Variants in NTM observed in about 807,000 individuals in gnomAD.
NTM encodes neurotrimin.
A neutral mutation model predicts 42.1 loss-of-function variants in NTM; 13 were observed. The ratio of observed to expected loss-of-function variants is 0.31; its 90% CI spans 0.20 to 0.49. The LOEUF (loss-of-function observed/expected upper bound fraction) is 0.49. NTM is among the 20% of genes least tolerant of loss of function. NTM has a pLI of 0.99. For missense variants in NTM, 373 were observed against 452.8 expected (o/e 0.82, Z 1.60); for synonymous variants, 187 against 179.2 (o/e 1.04, Z -0.35).
intron 2 of NTM, among the ~76,000 whole-genome samples, chr11:132,045,746 C>T (rs1232246754): frequency 6.6e-6 from 1 of 152,128 alleles, no homozygotes; most frequent in Non-Finnish European, 1.5e-5. Flanking sequence ...CTGGACTCTT[C>T]CTTTTTCCCA....
At chr11:132,201,875 G>GTA (rs2081212541) in intron 3 of NTM, among the ~76,000 whole-genome samples, 1 of 152,148 alleles carries the variant, frequency 6.6e-6, no homozygotes, top group South Asian at 2.1e-4. Flanking sequence ...TAGCTCAGTG[G>GTA]CTTCGAGCAC....
chr11:131,789,615 AGAAGAAGAAGAAG>A (rs2090416651), intron 1 of NTM, among the ~76,000 whole-genome samples: 1 of 87,524 alleles, frequency 1.1e-5, no homozygotes, highest in Non-Finnish European at 2.3e-5. Flanking sequence ...AAGAAGAAGA[AGAAGAAGAAGAAG>A]AAGAAGAAAA....
chr11:132,227,804 C>T, intron 4 of NTM, among the ~76,000 whole-genome samples: 1 of 152,094 alleles, frequency 6.6e-6, no homozygotes, highest in East Asian at 1.9e-4. Context: ...CTATCTGCTG[C>T]CAGCCCTAAT....
chr11:132,246,293 C>T (rs1210909522), intron 4 of NTM, among the ~76,000 whole-genome samples: 28 of 152,238 alleles, frequency 1.8e-4, no homozygotes, highest in Non-Finnish European at 8.8e-5. Flanking sequence ...GCGTGTGTGT[C>T]TCCACCGACA....
At chr11:131,797,613 A>G (rs1215223732) in intron 1 of NTM, among the ~76,000 whole-genome samples, 4 of 152,242 alleles carry the variant, frequency 2.6e-5, no homozygotes, top group African/African-American at 9.6e-5. Context: ...TTGAAAAGTA[A>G]TCACACAAAG....
chr11:131,984,611 C>G (rs1235532865), intron 2 of NTM: 2 of 152,168 alleles, frequency 1.3e-5, no homozygotes, highest in Non-Finnish European at 2.9e-5. Flanking sequence ...AATTATCTAG[C>G]CCATTTGCTG....
intron 2 of NTM, among the ~76,000 whole-genome samples, chr11:131,943,368 C>G (rs139353596): frequency 6.6e-6 from 1 of 152,224 alleles, no homozygotes; most frequent in Non-Finnish European, 1.5e-5. Flanking sequence ...AGGTCAGTCC[C>G]AGAGCCGGCT....
chr11:131,987,726 T>C (rs117367036), intron 2 of NTM, among the ~76,000 whole-genome samples: 2,602 of 152,292 alleles, frequency 0.017, 32 homozygotes, highest in Non-Finnish European at 0.029. Flanking sequence ...TATCAAATAA[T>C]CCAAATGCTC....
At chr11:132,324,671 C>CTT (rs1555099801) in intron 7 of NTM, among the ~76,000 whole-genome samples, 6,437 of 104,296 alleles carry the variant, frequency 0.062, 386 homozygotes, top group Non-Finnish European at 0.083. Context: ...GGAAAAAAAA[C>CTT]TAAAGTTCAT....
intron 2 of NTM, among the ~76,000 whole-genome samples, chr11:132,007,626 A>G (rs1177768778): frequency 6.6e-6 from 1 of 152,234 alleles, no homozygotes; most frequent in Non-Finnish European, 1.5e-5. Context: ...GCATCAGAGA[A>G]GCTTACTATT....
intron 4 of NTM, among the ~76,000 whole-genome samples, chr11:132,224,121 A>T (rs2085703224): frequency 6.6e-6 from 1 of 152,206 alleles, no homozygotes; most frequent in African/African-American, 2.4e-5. Context: ...GTGAAAGAGA[A>T]AAGGTCTCCA....
chr11:131,806,492 A>G (rs1361514064), intron 1 of NTM, among the ~76,000 whole-genome samples: 1 of 152,172 alleles, frequency 6.6e-6, no homozygotes, highest in Non-Finnish European at 1.5e-5. Context: ...GTGCTCAACA[A>G]CTATTTATTA....
intron 1 of NTM, among the ~76,000 whole-genome samples, chr11:131,412,806 G>A (rs1051425658): frequency 3.0e-5 from 1 of 33,306 alleles, no homozygotes; most frequent in Non-Finnish European, 9.9e-5. Context: ...CTTACGGGGC[G>A]TGTGTGTGTG....
chr11:131,763,121 T>C (rs1408414986), intron 1 of NTM, among the ~76,000 whole-genome samples: 1 of 152,142 alleles, frequency 6.6e-6, no homozygotes, highest in Non-Finnish European at 1.5e-5. Flanking sequence ...TAGGGGATGG[T>C]GCCCCCACAC....
chr11:131,670,441 A>C (rs758378503), intron 1 of NTM, among the ~76,000 whole-genome samples: 9 of 150,808 alleles, frequency 6.0e-5, no homozygotes, highest in Non-Finnish European at 1.0e-4. Flanking sequence ...TTGCTAAGGA[A>C]TACATGTCTG....
chr11:131,696,742 C>G (rs1405046801), intron 1 of NTM, among the ~76,000 whole-genome samples: 1 of 151,976 alleles, frequency 6.6e-6, no homozygotes, highest in Admixed American at 6.6e-5. Context: ...TTGGTTTTAT[C>G]TCTTGTTTCA....
In NTM at chr11:131,498,181, G is replaced by A. The variant is rs115773402; in HGVS notation, c.82+127293G>A. Among the ~76,000 whole-genome samples the A allele has an allele frequency of 6.7e-3, 1,021 of 152,220 alleles. 15 individuals carry two copies. The highest frequency in any genetic ancestry group is 0.021 in the African/African-American group (890 of 41,528). ...GCGGCACCAAGCATTTGCTTCCAAC[G>A]GGAGGTTGGAAGTAAGGGCTCTGCA... On this transcript the variant is annotated intron_variant, in intron 1 of 8. Transcript: ENST00000683400.
chr11:131,789,727 C>T (rs1203117771), intron 1 of NTM, among the ~76,000 whole-genome samples: 73 of 151,018 alleles, frequency 4.8e-4, no homozygotes, highest in African/African-American at 1.5e-3. Context: ...GAGGTGGAGG[C>T]AGGCGGATCA....
chr11:131,967,943 TG>T (rs756321993), intron 2 of NTM, among the ~76,000 whole-genome samples: 6 of 152,176 alleles, frequency 3.9e-5, no homozygotes, highest in Admixed American at 1.3e-4. Context: ...GATAGAAAGA[TG>T]GAAATGTTTC....
Sources: gnomAD v4.1 joint callset for allele counts (sites outside exome capture counted in the v4.1 genomes callset) on GRCh38, gnomAD v4.1.1 for gene constraint, MANE v1.5 for transcripts, NCBI Gene and HGNC (gene_info 2026-07-23, HGNC 2026-07-21) for gene names.